Variants in SACM1L observed in about 807,000 individuals in gnomAD.
SACM1L encodes the protein SAC1 like phosphatidylinositide phosphatase.
Under a neutral mutation model 89.5 loss-of-function variants are expected in SACM1L, and 32 were observed. The observed-to-expected ratio is 0.36, with a 90% CI of 0.27 to 0.48. The LOEUF (loss-of-function observed/expected upper bound fraction) is 0.48. Ranked by LOEUF, SACM1L falls within the 20% of genes least tolerant of loss-of-function variation. The pLI, the probability that SACM1L is intolerant of heterozygous loss-of-function variation, is 0.99. For missense variants in SACM1L, 543 were observed against 708.5 expected (o/e 0.77, Z 2.65); for synonymous variants, 213 against 232.8 (o/e 0.92, Z 0.77).
intron 1 of SACM1L, among the ~76,000 whole-genome samples, chr3:45,696,929 A>T (rs1353535248): frequency 6.6e-6 from 1 of 152,128 alleles, no homozygotes. Flanking sequence ...TTTAAAAAAC[A>T]CTCTTAAGAG....
At chr3:45,725,279 C>T (rs1698891370) in intron 11 of SACM1L, among the ~76,000 whole-genome samples, 1 of 150,316 alleles carries the variant, frequency 6.7e-6, no homozygotes. Flanking sequence ...ATCACTTTGA[C>T]TAGTACTGTC....
In SACM1L at chr3:45,737,784, A is replaced by G; in HGVS notation, c.1322A>G (p.Asn441Ser). The stretch of plus-strand genomic sequence containing the variant: ...CTTTTTTCTACAGCCTGGGCTGACA[A>G]CGCAAATGCTTGTGCCAAGCAATAT... ...EKIYKNAWAD[N>S]ANACAKQYAG... The change falls in exon 16 of 20, where the codon AAC (asparagine) becomes AGC (serine). Residue 441 changes from asparagine to serine, a missense_variant. Around this residue, in one of 2 missense-constraint regions of SACM1L, gnomAD observed 370 missense variants for 527.6 expected, o/e 0.70. Transcript: ENST00000389061. 1 of 1,613,992 alleles carries G rather than the reference A, an allele frequency of 6.2e-7. No homozygotes were observed. The highest frequency in any genetic ancestry group is 8.5e-7 in the Non-Finnish European group (1 of 1,179,920).
chr3:45,732,370 TC>T (rs1699094667), intron 13 of SACM1L, among the ~76,000 whole-genome samples: 1 of 152,212 alleles, frequency 6.6e-6, no homozygotes, highest in Non-Finnish European at 1.5e-5. Flanking sequence ...CCAGATATCT[TC>T]ATATTTTTAT....
chr3:45,723,247 T>C (rs1698830732), intron 10 of SACM1L, among the ~76,000 whole-genome samples: 2 of 152,102 alleles, frequency 1.3e-5, no homozygotes, highest in South Asian at 2.1e-4. Flanking sequence ...TCCACTGAGG[T>C]TGTACTCAGA....
chr3:45,694,071 C>T lies in SACM1L; in HGVS notation c.32+4574C>T, dbSNP rs111982076. Among the ~76,000 whole-genome samples, 65 of 152,324 alleles carry T rather than the reference C, an allele frequency of 4.3e-4. 1 individual carries two copies. Among genetic ancestry groups the T allele is most frequent in the South Asian group, 3.7e-3 (18 of 4,832 alleles). On this transcript the variant is annotated intron_variant, in intron 1 of 19. Transcript: ENST00000389061. ...AATGACATCAAATGTGGTTTGGGCA[C>T]TTCTTAGGCCCCTCAGACCTCAAGC...
At chr3:45,711,295 C>G (rs1366967445) in intron 5 of SACM1L, among the ~76,000 whole-genome samples, 1 of 151,996 alleles carries the variant, frequency 6.6e-6, no homozygotes, top group African/African-American at 2.4e-5. Flanking sequence ...AAAAAGCCAT[C>G]TCATCTGTTG....
rs915233792 is a variant in SACM1L, at chr3:45,714,695, A to G, written c.577+616A>G. 5.9e-5 allele frequency among the ~76,000 whole-genome samples: 9 copies of G among 152,372 alleles called. 1 individual carries two copies. Among genetic ancestry groups the G allele is most frequent in the Middle Eastern group, 6.8e-3 (2 of 294 alleles). The stretch of plus-strand genomic sequence containing the variant: ...AGATAAATGAAAATAAGTAGAGTAC[A>G]AAGAATATTGCCTAAGGGAGAAATC... On this transcript the variant is annotated intron_variant, in intron 7 of 19. Transcript: ENST00000389061.
chr3:45,719,256 A>G (rs1698733810), intron 7 of SACM1L, among the ~76,000 whole-genome samples: 1 of 152,202 alleles, frequency 6.6e-6, no homozygotes. Context: ...AGGGAAGCAT[A>G]TCATTTAAAT....
At chr3:45,704,719 C>A (rs1698346046) in intron 2 of SACM1L, among the ~76,000 whole-genome samples, 1 of 152,110 alleles carries the variant, frequency 6.6e-6, no homozygotes, top group Non-Finnish European at 1.5e-5. Context: ...AGCTAAAGGT[C>A]ATGAATAGTT....
At chr3:45,699,842 TATA>T (rs1299903109) in intron 1 of SACM1L, among the ~76,000 whole-genome samples, 1 of 152,190 alleles carries the variant, frequency 6.6e-6, no homozygotes, top group African/African-American at 2.4e-5. Flanking sequence ...TTTAATTGCT[TATA>T]ATGGAGATAG....
At chr3:45,690,531 C>T (rs942488570) in intron 1 of SACM1L, 1 of 152,204 alleles carries the variant, frequency 6.6e-6, no homozygotes, top group African/African-American at 2.4e-5. Context: ...GCTCCTCAGA[C>T]CTCAACCTCA....
rs527801886 is a variant in SACM1L at position 45,713,127 on chromosome 3, C to T, written c.484-10C>T. ...GGAGATATTTTATTAAATTTTAAAA[C>T]TTCTCTCAGGCAGATCAGCGGTTTG... On this transcript the variant is annotated splice_polypyrimidine_tract_variant and intron_variant, in intron 5 of 19. Coordinates refer to ENST00000389061, the MANE Select transcript of SACM1L (RefSeq NM_014016.5). The T allele has an allele frequency of 1.4e-4, 221 of 1,606,852 alleles. 2 individuals are homozygous for T. In the South Asian group the frequency reaches 2.2e-3, roughly 16 times the overall value.
chr3:45,724,513 TGTA>T (rs1276385262), intron 11 of SACM1L, among the ~76,000 whole-genome samples: 1 of 152,186 alleles, frequency 6.6e-6, no homozygotes, highest in African/African-American at 2.4e-5. Context: ...TTGTTTGAGT[TGTA>T]GTCATTCTTT....
chr3:45,736,595 A>G (rs1239033331), intron 14 of SACM1L, among the ~76,000 whole-genome samples: 1 of 152,104 alleles, frequency 6.6e-6, no homozygotes, highest in African/African-American at 2.4e-5. Context: ...TGTAGTTTGT[A>G]TTGTGCTATG....
In SACM1L at chr3:45,722,010, G is replaced by A. The variant is rs747957832; in HGVS notation, c.690G>A (p.Ser230=). 36 of 1,609,292 alleles carry A rather than the reference G, an allele frequency of 2.2e-5. No individual in the cohort carries two copies. Among genetic ancestry groups the A allele is most frequent in the Middle Eastern group, 3.3e-4 (2 of 6,080 alleles). ...GVRYYVRGID[S]EGHAANFVET... ...TTTTTTTCTATTTAGGAATTGATTCGGAAGGCCATGCAGCTAACTTTGTAG... is the reference window on the plus strand; with the variant it reads ...TTTTTTTCTATTTAGGAATTGATTCAGAAGGCCATGCAGCTAACTTTGTAG... Residue 230 remains serine, a synonymous_variant, in exon 9 of 20, where the codon TCG becomes TCA. Coordinates refer to ENST00000389061, the MANE Select transcript of SACM1L (RefSeq NM_014016.5).
intron 7 of SACM1L, 146 bp downstream of exon 7, chr3:45,714,225 C>A: frequency 1.4e-5 from 5 of 361,122 alleles, no homozygotes; most frequent in Admixed American, 5.9e-5. Context: ...AAATCAAACT[C>A]ATTGCTATTT....
chr3:45,708,103 A>G (rs1228918418), intron 4 of SACM1L, among the ~76,000 whole-genome samples: 1 of 152,154 alleles, frequency 6.6e-6, no homozygotes, highest in Non-Finnish European at 1.5e-5. Flanking sequence ...TGACAAAAAA[A>G]ATTTTTAAAG....
At chr3:45,736,988 G>C (rs140807541) in intron 14 of SACM1L, among the ~76,000 whole-genome samples, 1 of 152,204 alleles carries the variant, frequency 6.6e-6, no homozygotes, top group African/African-American at 2.4e-5. Flanking sequence ...GTTCTCAGAA[G>C]TGATGGTCTG....
At chr3:45,700,781 T>G (rs952850505) in intron 1 of SACM1L, among the ~76,000 whole-genome samples, 1 of 152,230 alleles carries the variant, frequency 6.6e-6, no homozygotes, top group Non-Finnish European at 1.5e-5. Context: ...TAAGCGATTC[T>G]CATGCCTTAG....
Sources: gnomAD v4.1 joint callset for allele counts (sites outside exome capture counted in the v4.1 genomes callset) on GRCh38, gnomAD v4.1.1 for gene constraint, gnomAD v4.1.1 regional missense constraint, MANE v1.5 for transcripts, NCBI Gene and HGNC (gene_info 2026-07-23, HGNC 2026-07-21) for gene names.